The following PUDP variants were observed in gnomAD, a reference collection of about 807,000 sequenced individuals.
PUDP encodes pseudouridine-5'-phosphatase.
A neutral mutation model predicts 9.4 loss-of-function variants in PUDP; 8 were observed. The ratio of observed to expected loss-of-function variants is 0.85; its 90% CI spans 0.50 to 1.53. The LOEUF (loss-of-function observed/expected upper bound fraction) is 1.53, where lower values mean the gene tolerates loss of function less well. Ranked by LOEUF, PUDP falls within the 40% of genes most tolerant of loss-of-function variation. The pLI is 0.00. For missense variants in PUDP, 188 were observed against 189.7 expected (o/e 0.99, Z 0.05); for synonymous variants, 99 against 80.7 (o/e 1.23, Z -1.22).
intron 1 of PUDP, among the ~76,000 whole-genome samples, chrX:7,019,756 C>T (rs759312662): frequency 1.7e-4 from 19 of 111,432 alleles, no homozygotes; most frequent in Non-Finnish European, 3.0e-4. Flanking sequence ...GGTAATCACC[C>T]TATTAGTCAC....
intron 3 of PUDP, among the ~76,000 whole-genome samples, chrX:6,965,966 C>T (rs1928777865): frequency 9.0e-6 from 1 of 110,971 alleles, no homozygotes; most frequent in Non-Finnish European, 1.9e-5. Context: ...CCTTCTTCCA[C>T]CGTTCGGGAA....
chrX:6,931,745 C>G (rs1928194054), intron 3 of PUDP, among the ~76,000 whole-genome samples: 1 of 111,106 alleles, frequency 9.0e-6, no homozygotes, highest in Non-Finnish European at 1.9e-5. Flanking sequence ...AGGACCCAGA[C>G]GACATCCAGA....
chrX:6,747,167 A>G (rs5989563), intron 3 of PUDP, among the ~76,000 whole-genome samples: 4,906 of 112,069 alleles, frequency 0.044, 262 homozygotes, highest in African/African-American at 0.15. Context: ...TACTTTTGTA[A>G]AGGTATAAGT....
intron 3 of PUDP, among the ~76,000 whole-genome samples, chrX:6,913,981 C>G (rs1282604378): frequency 2.7e-5 from 3 of 109,838 alleles, no homozygotes; most frequent in Non-Finnish European, 5.7e-5. Context: ...TCCTGGCTAA[C>G]ACAGTGAAAC....
chrX:6,841,967 A>T (rs1296313596), intron 3 of PUDP, among the ~76,000 whole-genome samples: 1 of 110,485 alleles, frequency 9.1e-6, no homozygotes, highest in Non-Finnish European at 1.9e-5. Flanking sequence ...CTATGTGGGG[A>T]GTTCATGTGT....
chrX:6,800,529 CT>C (rs989161832), intron 3 of PUDP, among the ~76,000 whole-genome samples: 1 of 112,074 alleles, frequency 8.9e-6, no homozygotes, highest in Non-Finnish European at 1.9e-5. Context: ...TTAAAATCCA[CT>C]TCTTTTGTTC....
At chrX:6,784,133 A>G (rs1292225400) in intron 3 of PUDP, among the ~76,000 whole-genome samples, 1 of 111,701 alleles carries the variant, frequency 9.0e-6, no homozygotes, top group Admixed American at 9.5e-5. Flanking sequence ...AGCCCAGTCA[A>G]GTTAACACAT....
At position 7,000,562 on chromosome X, in the gene PUDP, A is replaced by G. The variant is rs936274036; in HGVS notation, c.205-22219T>C. Among the ~76,000 whole-genome samples the G allele has an allele frequency of 3.6e-5, 4 of 110,394 alleles. No individual in the cohort carries two copies. In the Admixed American group the frequency reaches 3.9e-4, roughly 11 times the overall value. On this transcript the variant is annotated intron_variant and NMD_transcript_variant, in intron 1 of 3. Coordinates refer to the PUDP transcript ENST00000655425. ...ACATTTTTATTAAATATAGGAACAA[A>G]TATGAATAGAAACAAATACATTTAT...
chrX:6,853,366 C>T (rs1926856507), intron 3 of PUDP, among the ~76,000 whole-genome samples: 1 of 110,960 alleles, frequency 9.0e-6, no homozygotes, highest in Non-Finnish European at 1.9e-5. Flanking sequence ...AAAATTTCCT[C>T]CCATAGCTCC....
intron 3 of PUDP, 102 bp downstream of exon 3, chrX:7,077,118 A>G (rs1930930795): frequency 4.5e-6 from 5 of 1,121,968 alleles, no homozygotes; most frequent in Non-Finnish European, 5.9e-6. Flanking sequence ...GTGGCCTTCA[A>G]CAGCACAAAC....
At chrX:7,029,823 G>A (rs142535575) in intron 1 of PUDP, among the ~76,000 whole-genome samples, 1,665 of 111,826 alleles carry the variant, frequency 0.015, 17 homozygotes, top group Non-Finnish European at 0.024. Context: ...TGGAGATTGG[G>A]AGCAGGCTCC....
intron 3 of PUDP, among the ~76,000 whole-genome samples, chrX:6,844,681 AG>A (rs1390064820): frequency 8.9e-6 from 1 of 112,841 alleles, no homozygotes; most frequent in East Asian, 2.8e-4. Context: ...GAGATATACA[AG>A]ATGGGATTTA....
At chrX:6,819,528 T>G (rs1926303915) in intron 3 of PUDP, among the ~76,000 whole-genome samples, 1 of 112,422 alleles carries the variant, frequency 8.9e-6, no homozygotes, top group South Asian at 3.7e-4. Context: ...CTAAACGAAA[T>G]TTGAAAGTTC....
intron 2 of PUDP, among the ~76,000 whole-genome samples, chrX:7,101,791 C>T (rs1234764624): frequency 9.0e-6 from 1 of 111,137 alleles, no homozygotes; most frequent in Non-Finnish European, 1.9e-5. Flanking sequence ...AAACAAAAAA[C>T]AAAAACACTC....
At chrX:7,116,520 G>A (rs887038619) in intron 1 of PUDP, among the ~76,000 whole-genome samples, 5 of 110,571 alleles carry the variant, frequency 4.5e-5, no homozygotes, top group Non-Finnish European at 1.9e-5. Flanking sequence ...TTCTCTCTGG[G>A]CCCTGGGACC....
intron 3 of PUDP, among the ~76,000 whole-genome samples, chrX:6,964,112 T>C (rs943931351): frequency 5.3e-5 from 6 of 112,375 alleles, no homozygotes; most frequent in Admixed American, 3.8e-4. Context: ...GGGCTTTATT[T>C]ACAAACAAAG....
chrX:6,901,347 A>G (rs1267657358), intron 3 of PUDP, among the ~76,000 whole-genome samples: 1 of 112,453 alleles, frequency 8.9e-6, no homozygotes, highest in Admixed American at 9.4e-5. Flanking sequence ...TATATTGGAA[A>G]GCCTAACAAA....
intron 3 of PUDP, among the ~76,000 whole-genome samples, chrX:6,892,270 G>A (rs747403799): frequency 1.8e-5 from 2 of 111,851 alleles, no homozygotes; most frequent in Non-Finnish European, 3.8e-5. Flanking sequence ...GCTATGGACT[G>A]AGTTGTGCTC....
At chrX:7,035,986 C>T (rs1929848293) in intron 1 of PUDP, among the ~76,000 whole-genome samples, 1 of 111,471 alleles carries the variant, frequency 9.0e-6, no homozygotes, top group African/African-American at 3.3e-5. Flanking sequence ...GCCACCTCCC[C>T]GGTTTCTCTC....
Sources: allele counts gnomAD v4.1 joint callset (sites outside exome capture counted in the v4.1 genomes callset), GRCh38; gene constraint gnomAD v4.1.1; transcripts MANE v1.5; gene names NCBI Gene and HGNC (gene_info 2026-07-23, HGNC 2026-07-21).